The following ZNF451 variants were observed in gnomAD, a reference collection of about 807,000 sequenced individuals.
ZNF451 encodes the protein E3 SUMO-protein ligase ZNF451.
In ZNF451, 80 loss-of-function variants were observed where a neutral mutation model predicts 107.1. That is an observed-to-expected ratio of 0.75 (90% confidence interval 0.62 to 0.90). ZNF451 has a LOEUF of 0.90. ZNF451 is among the 40% of genes least tolerant of loss of function. The pLI is 0.00. For synonymous variants in ZNF451, 362 were observed against 406.5 expected (o/e 0.89, Z 1.32); for missense variants, 1,107 against 1,236.2 (o/e 0.90, Z 1.57).
chr6:57,158,831 T>C, intron 13 of ZNF451: 12 of 985,452 alleles, frequency 1.2e-5, no homozygotes, highest in Non-Finnish European at 1.3e-5. Flanking sequence ...TCCATTTAGT[T>C]GTGGCTTCAT....
rs772204012 is a variant in ZNF451 at position 57,142,001 on chromosome 6, T to G, written c.910T>G (p.Leu304Val). The G allele has an allele frequency of 6.2e-7, 1 of 1,614,134 alleles. No homozygotes were observed. Among genetic ancestry groups the G allele is most frequent in the African/African-American group, 1.3e-5 (1 of 75,072 alleles). ...ISFPSFAKKL[L>V]ISLCKDVPFQ... Reference sequence around the variant, plus strand: ...TTTCCCATCTTTTGCAAAGAAACTTTTGATCTCTCTGTGCAAAGATGTTCC... The same window carrying G: ...TTTCCCATCTTTTGCAAAGAAACTTGTGATCTCTCTGTGCAAAGATGTTCC... Residue 304 changes from leucine to valine, a missense_variant, in exon 9 of 15, where the codon TTG becomes GTG. Physicochemically the swap from Leu to Val is conservative, Grantham distance 32 (BLOSUM62 1). Coordinates refer to ENST00000370706, the MANE Select transcript of ZNF451 (RefSeq NM_001031623.3).
intron 8 of ZNF451, among the ~76,000 whole-genome samples, chr6:57,141,676 A>G (rs1258224420): frequency 1.3e-5 from 2 of 152,206 alleles, no homozygotes; most frequent in Non-Finnish European, 2.9e-5. Flanking sequence ...AATCCTGGGA[A>G]GCAAATATTT....
chr6:57,128,777 A>G lies in ZNF451; in HGVS notation c.361A>G (p.Ile121Val). 6.2e-7 allele frequency: 1 copy of G among 1,613,074 alleles called. No individual in the cohort carries two copies. Among genetic ancestry groups the G allele is most frequent in the Non-Finnish European group, 8.5e-7 (1 of 1,179,440 alleles). ...TCATGGGTTACAAGAATTGGAATTT[A>G]TTCGAGGACATTCTGATACAGAAGC... ...HAHGLQELEFIRGHSDTEAAR... is the reference protein window; with the variant it reads ...HAHGLQELEFVRGHSDTEAAR... Residue 121 changes from isoleucine (I) to valine (V), a missense_variant, in exon 5 of 15, where the codon ATT becomes GTT. By Grantham distance (29) the Ile-to-Val change is conservative (BLOSUM62 3). Transcript: ENST00000370706.
chr6:57,117,866 T>C (rs1445774682), intron 3 of ZNF451, among the ~76,000 whole-genome samples: 2 of 152,192 alleles, frequency 1.3e-5, no homozygotes, highest in Non-Finnish European at 2.9e-5. Context: ...AGTAAAATGA[T>C]AGTGGAAACA....
chr6:57,167,793 C>T lies in ZNF451; in HGVS notation c.3140-630C>T, dbSNP rs539420647. Among the ~76,000 whole-genome samples, 5 of 152,272 alleles carry T rather than the reference C, an allele frequency of 3.3e-5. No homozygotes were observed. The South Asian group carries it at 8.3e-4, about 25-fold the overall frequency. ...AACTCAACTATTGTGAACCCAATAACGTCTGTCTTGTTCACTATTACATTG... is the reference window on the plus strand; with the variant it reads ...AACTCAACTATTGTGAACCCAATAATGTCTGTCTTGTTCACTATTACATTG... On this transcript the variant is annotated intron_variant, in intron 14 of 14. Coordinates refer to ENST00000370706, the MANE Select transcript of ZNF451 (RefSeq NM_001031623.3).
chr6:57,119,792 T>A (rs987861660), intron 3 of ZNF451, among the ~76,000 whole-genome samples: 1 of 152,164 alleles, frequency 6.6e-6, no homozygotes, highest in African/African-American at 2.4e-5. Flanking sequence ...ATATACTTTC[T>A]ATTTCTTTCT....
intron 7 of ZNF451, among the ~76,000 whole-genome samples, chr6:57,135,939 A>G (rs945250732): frequency 6.6e-6 from 1 of 152,208 alleles, no homozygotes; most frequent in Admixed American, 6.5e-5. Flanking sequence ...CTGGAAAGTA[A>G]CATGGAGAAT....
chr6:57,120,481 T>C (rs1429582649), intron 3 of ZNF451, among the ~76,000 whole-genome samples: 3 of 152,218 alleles, frequency 2.0e-5, no homozygotes, highest in Non-Finnish European at 4.4e-5. Flanking sequence ...CAAACTGTTT[T>C]TCAAAGTGGC....
chr6:57,148,529 T>G lies in ZNF451; in HGVS notation c.2444T>G (p.Leu815Ter), dbSNP rs1832195662. The change falls in exon 10 of 15, where the codon TTA (leucine) becomes TGA (stop). Residue 815 changes from leucine to a stop codon, truncating the protein, a stop_gained. Transcript: ENST00000370706. LOFTEE classifies it high-confidence loss of function. The part of the protein sequence containing the change: ...QQHFHRKHCF[L>*]QKPSVAHFGS... ...CATTTCCATAGAAAACATTGCTTCT[T>G]ACAGAAACCCAGTGTGGCTCATTTT... is the stretch of plus-strand genomic sequence containing the variant. 3 of 1,614,136 alleles carry G rather than the reference T, an allele frequency of 1.9e-6. No individual in the cohort carries two copies. The highest frequency in any genetic ancestry group is 2.5e-6 in the Non-Finnish European group (3 of 1,179,978).
chr6:57,128,949 G>A (rs1054879428), intron 5 of ZNF451, 109 bp downstream of exon 5: 2 of 722,572 alleles, frequency 2.8e-6, no homozygotes, highest in Admixed American at 6.7e-5. Flanking sequence ...ATTAAATTTT[G>A]TTTCAGTGAT....
intron 2 of ZNF451, among the ~76,000 whole-genome samples, chr6:57,093,775 A>G (rs1829159602): frequency 6.6e-6 from 1 of 152,262 alleles, no homozygotes; most frequent in African/African-American, 2.4e-5. Context: ...ATGGGAAAGC[A>G]GAGAGGATTA....
intron 9 of ZNF451, among the ~76,000 whole-genome samples, chr6:57,146,665 T>C (rs1832079240): frequency 6.6e-6 from 1 of 152,168 alleles, no homozygotes; most frequent in East Asian, 1.9e-4. Context: ...TTGGTTACCA[T>C]AGCCTTATAG....
rs560032491 is a variant in ZNF451 at position 57,153,176 on chromosome 6, G to A, written c.2884-685G>A. On this transcript the variant is annotated intron_variant, in intron 12 of 14. Transcript: ENST00000370706. ...TTTCAGTCTATCTAATGCCAAGATT[G>A]AATCATGCAAATTGCCTTGCTTACC... Among the ~76,000 whole-genome samples, 12 of 152,216 alleles carry A rather than the reference G, an allele frequency of 7.9e-5. No individual in the cohort carries two copies. In the South Asian group the frequency reaches 2.3e-3, roughly 29 times the overall value.
At chr6:57,138,823 C>CTCAAATT (rs1179523525) in intron 7 of ZNF451, among the ~76,000 whole-genome samples, 2 of 121,224 alleles carry the variant, frequency 1.6e-5, no homozygotes, top group Non-Finnish European at 3.3e-5. Flanking sequence ...GAGAGGTGGT[C>CTCAAATT]TCAAATTCCT....
chr6:57,147,846 AT>A lies in ZNF451; in HGVS notation c.1762del (p.Ser588GlnfsTer34). 1 of 1,614,164 alleles carries A rather than the reference AT, an allele frequency of 6.2e-7. No homozygotes were observed. Among genetic ancestry groups the A allele is most frequent in the Non-Finnish European group, 8.5e-7 (1 of 1,179,982 alleles). On this transcript the variant is annotated frameshift_variant, in exon 10 of 15. Coordinates refer to ENST00000370706, the MANE Select transcript of ZNF451 (RefSeq NM_001031623.3). LOFTEE classifies it high-confidence loss of function. ...LDNLTANKPS[S>X]AITVIDHSPA... ...ATAATTTGACTGCTAACAAGCCTTCATCAGCTATTACTGTTATTGATCATTC... is the reference window on the plus strand; with the variant it reads ...ATAATTTGACTGCTAACAAGCCTTCACAGCTATTACTGTTATTGATCATTC...
At chr6:57,125,162 T>C (rs1830872305) in intron 4 of ZNF451, among the ~76,000 whole-genome samples, 1 of 152,174 alleles carries the variant, frequency 6.6e-6, no homozygotes, top group Non-Finnish European at 1.5e-5. Context: ...TATTTTATCA[T>C]ACGAGTGAAA....
intron 2 of ZNF451, among the ~76,000 whole-genome samples, chr6:57,096,583 C>G (rs1029232591): frequency 8.6e-6 from 1 of 115,902 alleles, no homozygotes; most frequent in African/African-American, 3.5e-5. Flanking sequence ...AACTCTGCCT[C>G]TGTGTATTTC....
At chr6:57,103,013 A>G in intron 3 of ZNF451, 2 of 985,368 alleles carry the variant, frequency 2.0e-6, no homozygotes, top group Non-Finnish European at 2.4e-6. Context: ...TTCTTAAACA[A>G]CCTACCTTCT....
intron 14 of ZNF451, among the ~76,000 whole-genome samples, chr6:57,164,374 A>G (rs1020565592): frequency 6.6e-6 from 1 of 152,166 alleles, no homozygotes; most frequent in African/African-American, 2.4e-5. Flanking sequence ...GATAAATAGT[A>G]TATATTGGTT....
Sources: allele counts gnomAD v4.1 joint callset (sites outside exome capture counted in the v4.1 genomes callset), GRCh38; gene constraint gnomAD v4.1.1; transcripts MANE v1.5; gene names NCBI Gene and HGNC (gene_info 2026-07-23, HGNC 2026-07-21).